The following SNX30 variants were observed in gnomAD, a reference collection of about 807,000 sequenced individuals.
SNX30 encodes sorting nexin family member 30, also known as sorting nexin-30.
SNX30 carries 24 observed loss-of-function variants against 46.4 expected under a neutral mutation model. That is an observed-to-expected ratio of 0.52 (90% CI 0.37 to 0.73). The LOEUF (loss-of-function observed/expected upper bound fraction) is 0.73, where lower values mean the gene tolerates loss of function less well. SNX30 is among the 30% of genes least tolerant of loss of function. The pLI, the probability that SNX30 is intolerant of heterozygous loss-of-function variation, is 0.00. For synonymous variants in SNX30, 189 were observed against 211.5 expected (o/e 0.89, Z 0.92); for missense variants, 533 against 555.7 (o/e 0.96, Z 0.41).
At chr9:112,756,523 C>T (rs150343287) in intron 1 of SNX30, among the ~76,000 whole-genome samples, 5 of 140,640 alleles carry the variant, frequency 3.6e-5, no homozygotes, top group Admixed American at 8.0e-5. Flanking sequence ...CAGCTCACTG[C>T]GATCTCAGCT....
chr9:112,811,160 G>A (rs1428202943), intron 2 of SNX30, among the ~76,000 whole-genome samples: 2 of 152,218 alleles, frequency 1.3e-5, no homozygotes, highest in African/African-American at 4.8e-5. Context: ...AGGCAGAGGA[G>A]CGTGAGGATG....
intron 1 of SNX30, among the ~76,000 whole-genome samples, chr9:112,797,634 T>C (rs2131396670): frequency 1.3e-5 from 2 of 152,128 alleles, no homozygotes; most frequent in South Asian, 4.1e-4. Flanking sequence ...TATCTTGTTT[T>C]AATGGAATTG....
At chr9:112,771,505 T>C (rs955238501) in intron 1 of SNX30, among the ~76,000 whole-genome samples, 4 of 152,224 alleles carry the variant, frequency 2.6e-5, no homozygotes, top group African/African-American at 9.6e-5. Context: ...AAAGAATTTA[T>C]GTCAGTATGT....
intron 6 of SNX30, among the ~76,000 whole-genome samples, chr9:112,847,700 C>A (rs1357782698): frequency 6.6e-6 from 1 of 152,082 alleles, no homozygotes; most frequent in East Asian, 1.9e-4. Context: ...AGTAAAGTTC[C>A]AGGTTATTAG....
chr9:112,867,995 T>C (rs1291834275), intron 8 of SNX30, among the ~76,000 whole-genome samples: 2 of 152,218 alleles, frequency 1.3e-5, no homozygotes, highest in African/African-American at 4.8e-5. Flanking sequence ...TCTTGGCCTT[T>C]CACAAGGATC....
rs183326424 is a variant in SNX30 at position 112,828,134 on chromosome 9, G to A, written c.460-2591G>A. Among the ~76,000 whole-genome samples the A allele has an allele frequency of 2.6e-4, 39 of 152,310 alleles. No individual in the cohort carries two copies. In the East Asian group the frequency reaches 5.4e-3, roughly 21 times the overall value. On this transcript the variant is annotated intron_variant, in intron 3 of 8. Transcript: ENST00000374232. ...AAACATACATCAATATGGATAAGTCGCAGAAAGACAATGTTGAATGACAAA... is the reference window on the plus strand; with the variant it reads ...AAACATACATCAATATGGATAAGTCACAGAAAGACAATGTTGAATGACAAA...
intron 1 of SNX30, among the ~76,000 whole-genome samples, chr9:112,761,638 C>T (rs1347134377): frequency 1.3e-5 from 2 of 152,044 alleles, no homozygotes; most frequent in Non-Finnish European, 2.9e-5. Flanking sequence ...GGGTGACTGA[C>T]TAGAAAGTCC....
chr9:112,834,882 A>ACACACACACACACACC (rs56385707), intron 4 of SNX30, among the ~76,000 whole-genome samples: 2,531 of 105,220 alleles, frequency 0.024, 76 homozygotes, highest in African/African-American at 0.058. Flanking sequence ...ACACACACAC[A>ACACACACACACACACC]CCTACCTCAA....
intron 6 of SNX30, 49 bp downstream of exon 6, chr9:112,838,746 A>C: frequency 6.4e-7 from 1 of 1,554,114 alleles, no homozygotes; most frequent in Non-Finnish European, 8.8e-7. Flanking sequence ...TTGTAATAGC[A>C]GTTATCAGAA....
At chr9:112,849,061 G>GT (rs977404387) in intron 6 of SNX30, among the ~76,000 whole-genome samples, 21 of 151,716 alleles carry the variant, frequency 1.4e-4, no homozygotes, top group African/African-American at 2.4e-4. Flanking sequence ...TGGATATGTG[G>GT]TTTTTTTTTC....
chr9:112,782,544 A>G lies in SNX30; in HGVS notation c.157-22232A>G, dbSNP rs142360088. Among the ~76,000 whole-genome samples, 84 of 152,294 alleles carry G rather than the reference A, an allele frequency of 5.5e-4. 1 individual carries two copies. Among genetic ancestry groups the G allele is most frequent in the African/African-American group, 1.9e-3 (80 of 41,566 alleles). ...TCATCATGTAGTACTCATTTTTTTA[A>G]CCTTTAAATGGCCTGACATTTATTT... On this transcript the variant is annotated intron_variant, in intron 1 of 8. Transcript: ENST00000374232.
intron 1 of SNX30, among the ~76,000 whole-genome samples, chr9:112,783,720 G>T (rs1202657132): frequency 6.6e-6 from 1 of 152,232 alleles, no homozygotes; most frequent in Non-Finnish European, 1.5e-5. Context: ...TCTGTGGGCT[G>T]TTTGTGCAGC....
chr9:112,850,248 G>C (rs1049661791), intron 6 of SNX30, among the ~76,000 whole-genome samples: 1 of 152,214 alleles, frequency 6.6e-6, no homozygotes, highest in African/African-American at 2.4e-5. Context: ...GACTTGCACA[G>C]GTATAGCCCC....
chr9:112,759,266 T>C (rs1181809469), intron 1 of SNX30, among the ~76,000 whole-genome samples: 1 of 152,190 alleles, frequency 6.6e-6, no homozygotes, highest in African/African-American at 2.4e-5. Context: ...CTCCTCAGCC[T>C]CCTGCTGCCT....
chr9:112,831,275 G>A (rs1045555492), intron 4 of SNX30, among the ~76,000 whole-genome samples: 3 of 152,040 alleles, frequency 2.0e-5, no homozygotes, highest in Non-Finnish European at 4.4e-5. Flanking sequence ...TTTTGCATTA[G>A]CAAATCCATA....
intron 2 of SNX30, among the ~76,000 whole-genome samples, chr9:112,812,493 AT>A (rs1362284537): frequency 2.6e-5 from 4 of 152,102 alleles, no homozygotes; most frequent in Non-Finnish European, 4.4e-5. Context: ...TGACCAAGTG[AT>A]CTGCCCACCT....
chr9:112,863,504 C>CAT (rs960959800), intron 7 of SNX30, among the ~76,000 whole-genome samples: 2 of 152,242 alleles, frequency 1.3e-5, no homozygotes, highest in African/African-American at 4.8e-5. Flanking sequence ...CTTCAAGTGA[C>CAT]ATAGTTCCCT....
At chr9:112,867,312 ACCT>A (rs1841374027) in intron 8 of SNX30, among the ~76,000 whole-genome samples, 1 of 79,274 alleles carries the variant, frequency 1.3e-5, no homozygotes. Context: ...AACTCCTCCC[ACCT>A]CCTCAGAATT....
At chr9:112,770,233 G>A (rs1839626541) in intron 1 of SNX30, among the ~76,000 whole-genome samples, 1 of 151,888 alleles carries the variant, frequency 6.6e-6, no homozygotes, top group South Asian at 2.1e-4. Context: ...GTGTTGTGGT[G>A]CGGTTTCGAC....
Sources: allele counts gnomAD v4.1 joint callset (sites outside exome capture counted in the v4.1 genomes callset), GRCh38; gene constraint gnomAD v4.1.1; transcripts MANE v1.5; gene names NCBI Gene and HGNC (gene_info 2026-07-23, HGNC 2026-07-21).